SOCS7: variants seen among roughly 807,000 people sequenced by gnomAD.
SOCS7 encodes the protein NAP-4.
SOCS7 carries 18 observed loss-of-function variants against 58.9 expected under a neutral mutation model. The ratio of observed to expected loss-of-function variants is 0.31; its 90% CI spans 0.21 to 0.45. The LOEUF is 0.45. SOCS7 is among the 20% of genes least tolerant of loss of function. The probability of loss-of-function intolerance (pLI) is 1.00; values close to 1 mark genes in which losing one functional copy is unlikely to be tolerated. For synonymous variants in SOCS7, 388 were observed against 364.3 expected (o/e 1.06, Z -0.74); for missense variants, 667 against 837.3 (o/e 0.80, Z 2.51).
rs2144417115 is a variant in SOCS7 at position 38,401,371 on chromosome 17, T to G, written c.*1889T>G. 6.6e-6 allele frequency: 1 copy of G among 152,314 alleles called. No homozygotes were observed. The highest frequency in any genetic ancestry group is 1.9e-4 in the East Asian group (1 of 5,186). 9.4% of individuals were successfully genotyped at this position (152,314 alleles called of 1,614,324 possible). A position where few individuals can be genotyped will look rare whatever the true frequency, so the allele number is the denominator to read the frequency against. ...GTACAAGTAATATAACTCGCCATCT[T>G]GCAGGAAGTGCCACCCCAATATAGA... On this transcript the variant is annotated 3_prime_UTR_variant, in exon 10 of 10. Transcript: ENST00000612932.
At chr17:38,391,177 C>G (rs950802568) in intron 7 of SOCS7, among the ~76,000 whole-genome samples, 41 of 152,064 alleles carry the variant, frequency 2.7e-4, no homozygotes, top group African/African-American at 9.4e-4. Context: ...ACTTGCATAA[C>G]TCATTTATTA....
intron 7 of SOCS7, among the ~76,000 whole-genome samples, chr17:38,390,944 G>A (rs548324540): frequency 1.3e-5 from 2 of 152,046 alleles, no homozygotes; most frequent in African/African-American, 4.8e-5. Context: ...CATCCACCTT[G>A]CCTCAGCCTC....
intron 1 of SOCS7, among the ~76,000 whole-genome samples, chr17:38,356,614 C>T (rs1365218899): frequency 8.6e-5 from 13 of 152,026 alleles, no homozygotes; most frequent in Non-Finnish European, 8.8e-5. Flanking sequence ...GTCCGCCCAC[C>T]GCAGTCTCCC....
rs1269541194 is a variant in SOCS7, at chr17:38,352,811, C to T, written c.759C>T (p.Pro253=). Residue 253 remains proline, a synonymous_variant, in exon 1 of 10, where the codon CCC becomes CCT. Coordinates refer to ENST00000612932, the MANE Select transcript of SOCS7 (RefSeq NM_014598.4). This position sits in a 1 kb window ranked among gnomAD's most constrained non-coding sequence, Gnocchi z 5.5. ...AGCAGCAGCAGCAGCAGCAACCTCCCCCGCCCCCGCCTCCTCCCGGGCCCC... is the reference window on the plus strand; with the variant it reads ...AGCAGCAGCAGCAGCAGCAACCTCCTCCGCCCCCGCCTCCTCCCGGGCCCC... ...EQQQQQQQQP[P]PPPPPPGPLR... The T allele has an allele frequency of 1.9e-6, 3 of 1,555,426 alleles. No individual in the cohort carries two copies. Among genetic ancestry groups the T allele is most frequent in the South Asian group, 1.2e-5 (1 of 84,516 alleles).
At chr17:38,353,524 C>G (rs982888597) in intron 1 of SOCS7, among the ~76,000 whole-genome samples, 8 of 152,200 alleles carry the variant, frequency 5.3e-5, no homozygotes, top group African/African-American at 1.7e-4. Flanking sequence ...TTGGACACCT[C>G]TATTCAAAGT....
In SOCS7 at chr17:38,351,918, C is replaced by G. The variant is rs1036944489; in HGVS notation, c.-135C>G. 6.6e-6 allele frequency among the ~76,000 whole-genome samples: 1 copy of G among 151,340 alleles called. No individual in the cohort carries two copies. On this transcript the variant is annotated 5_prime_UTR_variant, in exon 1 of 10. Coordinates refer to ENST00000612932, the MANE Select transcript of SOCS7 (RefSeq NM_014598.4). ...TGGGCTCCGCGCGCCCCCCGCCCCC[C>G]TCTATGAGGCAGAGGCCGCGGCGGC...
Position 38,365,852 on chromosome 17 carries a change from C to T in SOCS7, c.1253-435C>T, listed in dbSNP as rs1362921892. On this transcript the variant is annotated intron_variant, in intron 4 of 9. Coordinates refer to ENST00000612932, the MANE Select transcript of SOCS7 (RefSeq NM_014598.4). Reference sequence around the variant, plus strand: ...TACCTGCTTTGCCAGCTTACAGTACCCAAGGAATAAAATGAATGAAATCAG... The same window carrying T: ...TACCTGCTTTGCCAGCTTACAGTACTCAAGGAATAAAATGAATGAAATCAG... The T allele has an allele frequency of 2.0e-5, 7 of 350,974 alleles. No homozygotes were observed. In the East Asian group the frequency reaches 5.4e-4, roughly 27 times the overall value. The allele number at this position is 350,974 out of a possible 1,614,324, so 21.7% of individuals were successfully genotyped here. A position where few individuals can be genotyped will look rare whatever the true frequency, so the allele number is the denominator to read the frequency against.
In SOCS7 at chr17:38,371,637, G is replaced by A. The variant is rs2037867099; in HGVS notation, c.1552+3587G>A. The stretch of plus-strand genomic sequence containing the variant: ...GAACCACCATGCCCGGCCGGGACGG[G>A]TATTTTTCTGTGTTGTCCAGGTTGG... On this transcript the variant is annotated intron_variant, in intron 6 of 9. Coordinates refer to ENST00000612932, the MANE Select transcript of SOCS7 (RefSeq NM_014598.4). Among the ~76,000 whole-genome samples the A allele has an allele frequency of 2.6e-5, 4 of 150,958 alleles. No individual in the cohort carries two copies. The South Asian group carries it at 8.5e-4, about 32-fold the overall frequency.
intron 7 of SOCS7, among the ~76,000 whole-genome samples, chr17:38,389,868 C>CATATAT (rs1463868655): frequency 3.8e-4 from 7 of 18,628 alleles, no homozygotes; most frequent in African/African-American, 5.3e-4. Context: ...TATGTGTGTA[C>CATATAT]ATATATATAT....
intron 7 of SOCS7, among the ~76,000 whole-genome samples, chr17:38,385,249 T>TC (rs1239814148): frequency 3.3e-5 from 5 of 151,974 alleles, no homozygotes; most frequent in Admixed American, 6.6e-5. Context: ...TCCCTTTTTT[T>TC]CTTGCAATTT....
At chr17:38,387,102 A>ATATATAT (rs1555570653) in intron 7 of SOCS7, among the ~76,000 whole-genome samples, 1 of 51,134 alleles carries the variant, frequency 2.0e-5, no homozygotes, top group African/African-American at 1.3e-4. Context: ...AAAAAAAAAA[A>ATATATAT]ATATATATAT....
At chr17:38,392,871 A>G (rs891281573) in intron 7 of SOCS7, among the ~76,000 whole-genome samples, 2 of 152,250 alleles carry the variant, frequency 1.3e-5, no homozygotes, top group Non-Finnish European at 2.9e-5. Flanking sequence ...GCAGGTGTTC[A>G]AGGCAGGCCG....
At chr17:38,384,379 A>G (rs1366138864) in intron 7 of SOCS7, among the ~76,000 whole-genome samples, 1 of 151,302 alleles carries the variant, frequency 6.6e-6, no homozygotes, top group Non-Finnish European at 1.5e-5. Flanking sequence ...TCATGCCTTG[A>G]CCTCCCAGGC....
intron 7 of SOCS7, among the ~76,000 whole-genome samples, chr17:38,392,230 T>A (rs1028487126): frequency 1.3e-5 from 2 of 152,238 alleles, no homozygotes; most frequent in African/African-American, 4.8e-5. Flanking sequence ...CAAATTGCTA[T>A]TTGTAAACCT....
At chr17:38,386,028 T>C (rs1040077385) in intron 7 of SOCS7, among the ~76,000 whole-genome samples, 8 of 151,408 alleles carry the variant, frequency 5.3e-5, no homozygotes, top group African/African-American at 1.9e-4. Flanking sequence ...AAAAAATAAA[T>C]TAAAAACTAG....
intron 7 of SOCS7, among the ~76,000 whole-genome samples, chr17:38,388,146 A>G (rs1028515567): frequency 1.3e-5 from 2 of 152,216 alleles, no homozygotes; most frequent in South Asian, 4.2e-4. Context: ...TTTAACCAGC[A>G]GAAGGCTCTT....
rs867502212 is a variant in SOCS7 at position 38,382,363 on chromosome 17, G to T, written c.1681+4521G>T. Among the ~76,000 whole-genome samples, 5 of 150,598 alleles carry T rather than the reference G, an allele frequency of 3.3e-5. No individual in the cohort carries two copies. In the South Asian group the frequency reaches 8.4e-4, roughly 25 times the overall value. On this transcript the variant is annotated intron_variant, in intron 7 of 9. Transcript: ENST00000612932. The stretch of plus-strand genomic sequence containing the variant: ...TGAGGTAGGAGGATCTCTTAGGCCG[G>T]GTAGGTCAAGGCTGCAGTGAGCTGT...
chr17:38,390,433 C>G, intron 7 of SOCS7, among the ~76,000 whole-genome samples: 1 of 152,046 alleles, frequency 6.6e-6, no homozygotes, highest in East Asian at 1.9e-4. Context: ...ATCAGATTGT[C>G]AATTTCTGCA....
In SOCS7 at chr17:38,366,343, C is replaced by T; in HGVS notation, c.1309C>T (p.Pro437Ser). 2.5e-6 allele frequency: 4 copies of T among 1,614,204 alleles called. No homozygotes were observed. The highest frequency in any genetic ancestry group is 3.4e-6 in the Non-Finnish European group (4 of 1,180,046). Residue 437 changes from proline (P) to serine (S), a missense_variant, in exon 5 of 10, where the codon CCA becomes TCA. By Grantham distance (74) the Pro-to-Ser change is moderately conservative (BLOSUM62 -1). Around this residue, in one of 9 missense-constraint regions of SOCS7, gnomAD observed 99 missense variants for 122.9 expected, o/e 0.81. Transcript: ENST00000612932. ...RAAESLHSQP[P>S]QHLQCPLYRP... Reference sequence around the variant, plus strand: ...AGCTGAATCCCTGCACAGCCAACCCCCACAGCACCTCCAGTGTCCCCTCTA... The same window carrying T: ...AGCTGAATCCCTGCACAGCCAACCCTCACAGCACCTCCAGTGTCCCCTCTA...
Sources: allele counts gnomAD v4.1 joint callset (sites outside exome capture counted in the v4.1 genomes callset), GRCh38; gene constraint gnomAD v4.1.1; regional missense constraint gnomAD v4.1.1; non-coding constraint Gnocchi (gnomAD v3.1); transcripts MANE v1.5; gene names NCBI Gene and HGNC (gene_info 2026-07-23, HGNC 2026-07-21).